The following TULP4 variants were observed in gnomAD, a reference collection of about 807,000 sequenced individuals.
The protein encoded by TULP4 is tubby-related protein 4.
In TULP4, 16 loss-of-function variants were observed where a neutral mutation model predicts 129.0. The observed-to-expected ratio is 0.12, with a 90% CI of 0.08 to 0.19. TULP4 has a LOEUF of 0.19. Ranked by LOEUF, TULP4 falls within the 10% of genes least tolerant of loss-of-function variation. The pLI is 1.00. For missense variants in TULP4, 1,842 were observed against 2,059.1 expected (o/e 0.89, Z 2.04); for synonymous variants, 998 against 854.0 (o/e 1.17, Z -2.94).
At chr6:158,388,319 TTTC>T in intron 1 of TULP4, among the ~76,000 whole-genome samples, 1 of 111,746 alleles carries the variant, frequency 8.9e-6, no homozygotes, top group Non-Finnish European at 2.0e-5. Context: ...TCTGCTCGTT[TTTC>T]TTTTTTTTTT....
At chr6:158,252,518 C>T (rs1035708025) in intron 1 of TULP4, among the ~76,000 whole-genome samples, 3 of 151,948 alleles carry the variant, frequency 2.0e-5, no homozygotes, top group South Asian at 2.1e-4. Flanking sequence ...TGGGACTAAA[C>T]GTGCGCACCA....
chr6:158,394,786 CAA>C (rs71030166), intron 1 of TULP4, among the ~76,000 whole-genome samples: 1,440 of 45,560 alleles, frequency 0.032, 3 homozygotes, highest in Non-Finnish European at 0.034. Context: ...GGCTCTGTCT[CAA>C]AAAAAAAAAA....
At chr6:158,272,249 G>T (rs978589045) in intron 1 of TULP4, among the ~76,000 whole-genome samples, 2 of 152,198 alleles carry the variant, frequency 1.3e-5, no homozygotes, top group Non-Finnish European at 2.9e-5. Context: ...GGAATTACCA[G>T]TGGTCACCAA....
intron 1 of TULP4, among the ~76,000 whole-genome samples, chr6:158,351,812 C>G (rs1780532703): frequency 1.4e-5 from 2 of 139,376 alleles, no homozygotes; most frequent in South Asian, 4.9e-4. Flanking sequence ...TCCACCACAT[C>G]CTGGGTTCAA....
At chr6:158,448,337 A>G (rs1286559243) in intron 3 of TULP4, among the ~76,000 whole-genome samples, 1 of 152,232 alleles carries the variant, frequency 6.6e-6, no homozygotes, top group East Asian at 1.9e-4. Flanking sequence ...TGGTTTTGAC[A>G]ATTAATGAGG....
At chr6:158,275,702 T>A (rs554373139) in intron 1 of TULP4, among the ~76,000 whole-genome samples, 49 of 152,348 alleles carry the variant, frequency 3.2e-4, no homozygotes, top group South Asian at 8.3e-4. Flanking sequence ...ATAGGTCTTA[T>A]GAGAATTTCT....
At chr6:158,369,370 A>G (rs112701469) in intron 1 of TULP4, among the ~76,000 whole-genome samples, 21 of 152,332 alleles carry the variant, frequency 1.4e-4, no homozygotes, top group African/African-American at 3.8e-4. Context: ...ATATGGTGGC[A>G]TGCCTGTAGT....
chr6:158,494,585 C>T (rs1780285988), intron 10 of TULP4, among the ~76,000 whole-genome samples, 168 bp from the exon 11 acceptor site: 1 of 152,154 alleles, frequency 6.6e-6, no homozygotes, highest in South Asian at 2.1e-4. Context: ...TGCCTGGCTG[C>T]CCTCGTTAGC....
At chr6:158,245,398 T>G (rs1228999710) in intron 1 of TULP4, among the ~76,000 whole-genome samples, 1 of 152,070 alleles carries the variant, frequency 6.6e-6, no homozygotes, top group African/African-American at 2.4e-5. Context: ...GCTGATCTTA[T>G]TATTTGGGCA....
chr6:158,455,821 G>A (rs1179032865), intron 5 of TULP4, among the ~76,000 whole-genome samples: 2 of 152,114 alleles, frequency 1.3e-5, no homozygotes, highest in African/African-American at 4.8e-5. Context: ...GAAATGAGCT[G>A]GTGCCATCAA....
rs573103579 is a variant in TULP4 at position 158,511,053 on chromosome 6, C to T, written c.*4359C>T. ...AGAACTCTTCAGCATTTGTGTGATTCCTTACCTCTGGCTGATAAAACTCTA... is the reference window on the plus strand; with the variant it reads ...AGAACTCTTCAGCATTTGTGTGATTTCTTACCTCTGGCTGATAAAACTCTA... On this transcript the variant is annotated 3_prime_UTR_variant, in exon 14 of 14. Transcript: ENST00000367097. 2.5e-4 allele frequency: 38 copies of T among 152,726 alleles called. No individual in the cohort carries two copies. Among genetic ancestry groups the T allele is most frequent in the African/African-American group, 8.7e-4 (36 of 41,554 alleles). The allele number at this position is 152,726 out of a possible 1,614,324, so 9.5% of individuals were successfully genotyped here. A position where few individuals can be genotyped will look rare whatever the true frequency, so the allele number is the denominator to read the frequency against.
At chr6:158,438,776 G>A (rs1778813503) in intron 3 of TULP4, among the ~76,000 whole-genome samples, 1 of 151,904 alleles carries the variant, frequency 6.6e-6, no homozygotes, top group Non-Finnish European at 1.5e-5. Flanking sequence ...GTAGAGACAG[G>A]GTTTCACCAT....
chr6:158,436,287 CTATT>C (rs1213998688), intron 3 of TULP4, among the ~76,000 whole-genome samples: 1 of 152,128 alleles, frequency 6.6e-6, no homozygotes, highest in Non-Finnish European at 1.5e-5. Flanking sequence ...CTATCTGAGA[CTATT>C]TATTTATACT....
Position 158,394,700 on chromosome 6 carries a change from T to C in TULP4, c.253-18365T>C, listed in dbSNP as rs578042508. Among the ~76,000 whole-genome samples the C allele has an allele frequency of 4.6e-4, 64 of 137,830 alleles. 1 individual carries two copies. The East Asian group carries it at 0.014, about 30-fold the overall frequency. The allele number at this position is 137,830 out of a possible 152,430, so 90.4% of individuals were successfully genotyped here. The stretch of plus-strand genomic sequence containing the variant: ...TGCTTGGGAGGCTGAGGCAGGAGAA[T>C]GGCGTGAACCCGGGAGGCGGAGCTT... On this transcript the variant is annotated intron_variant, in intron 1 of 13. Coordinates refer to ENST00000367097, the MANE Select transcript of TULP4 (RefSeq NM_020245.5).
chr6:158,313,849 A>G lies in TULP4; in HGVS notation c.-168A>G. ...AATTTTTTCACTATGCATTCGGTGGATCTTTATAAAATACTGACCTTCTAA... is the reference window on the plus strand; with the variant it reads ...AATTTTTTCACTATGCATTCGGTGGGTCTTTATAAAATACTGACCTTCTAA... On this transcript the variant is annotated 5_prime_UTR_variant, in exon 1 of 14. Coordinates refer to ENST00000367097, the MANE Select transcript of TULP4 (RefSeq NM_020245.5). The G allele has an allele frequency of 1.4e-6, 1 of 714,406 alleles. No homozygotes were observed. The highest frequency in any genetic ancestry group is 2.8e-5 in the East Asian group (1 of 36,290). The allele number at this position is 714,406 out of a possible 1,614,324, so 44.3% of individuals were successfully genotyped here. A position where few individuals can be genotyped will look rare whatever the true frequency, so the allele number is the denominator to read the frequency against.
intron 1 of TULP4, among the ~76,000 whole-genome samples, chr6:158,393,658 G>A (rs976046663): frequency 2.6e-5 from 4 of 152,184 alleles, no homozygotes; most frequent in African/African-American, 9.7e-5. Context: ...CTGTACCTTG[G>A]CCCCTTTTAG....
chr6:158,240,573 T>G (rs1457231318), intron 1 of TULP4, among the ~76,000 whole-genome samples: 2 of 76,276 alleles, frequency 2.6e-5, no homozygotes, highest in Non-Finnish European at 5.5e-5. Flanking sequence ...GCAGAGGGGC[T>G]CCTCACTTCC....
chr6:158,336,623 A>G (rs1325426724), intron 1 of TULP4, among the ~76,000 whole-genome samples: 2 of 152,200 alleles, frequency 1.3e-5, no homozygotes, highest in Non-Finnish European at 2.9e-5. Context: ...TTTTTCATTC[A>G]TGACTTCCTT....
At chr6:158,473,927 C>T (rs941947515) in intron 6 of TULP4, among the ~76,000 whole-genome samples, 1 of 152,216 alleles carries the variant, frequency 6.6e-6, no homozygotes, top group African/African-American at 2.4e-5. Flanking sequence ...AAACGATCCT[C>T]CTGCCTCAGC....
Sources: gnomAD v4.1 joint callset for allele counts (sites outside exome capture counted in the v4.1 genomes callset) on GRCh38, gnomAD v4.1.1 for gene constraint, MANE v1.5 for transcripts, NCBI Gene and HGNC (gene_info 2026-07-23, HGNC 2026-07-21) for gene names.